Variants in ZNF385B observed in about 807,000 individuals in gnomAD.
The protein encoded by ZNF385B is zinc finger protein 385B.
Under a neutral mutation model 39.2 loss-of-function variants are expected in ZNF385B, and 23 were observed. The ratio of observed to expected loss-of-function variants is 0.59; its 90% confidence interval spans 0.42 to 0.83. The LOEUF (loss-of-function observed/expected upper bound fraction) is 0.83. ZNF385B is among the 40% of genes least tolerant of loss of function. ZNF385B has a pLI of 0.00. For missense variants in ZNF385B, 552 were observed against 598.9 expected (o/e 0.92, Z 0.82); for synonymous variants, 205 against 222.6 (o/e 0.92, Z 0.70).
chr2:179,733,890 C>G (rs1489825513), intron 3 of ZNF385B, among the ~76,000 whole-genome samples: 2 of 152,086 alleles, frequency 1.3e-5, no homozygotes, highest in Admixed American at 6.5e-5. Context: ...GAACCCATTC[C>G]CCAGTCTCCC....
intron 3 of ZNF385B, among the ~76,000 whole-genome samples, chr2:179,574,632 A>G (rs1685599533): frequency 6.6e-6 from 1 of 152,196 alleles, no homozygotes; most frequent in African/African-American, 2.4e-5. Flanking sequence ...AAGCCTAGAA[A>G]CTAACTAGAT....
intron 3 of ZNF385B, among the ~76,000 whole-genome samples, chr2:179,699,117 A>AACAT (rs140716311): frequency 6.6e-6 from 1 of 150,470 alleles, no homozygotes; most frequent in Non-Finnish European, 1.5e-5. Flanking sequence ...TTTGTGTTAA[A>AACAT]ATATATATAT....
intron 3 of ZNF385B, among the ~76,000 whole-genome samples, chr2:179,600,492 C>G (rs1051467369): frequency 1.3e-4 from 20 of 152,282 alleles, no homozygotes; most frequent in Admixed American, 1.3e-3. Flanking sequence ...AGGAGAGTTG[C>G]ATAGCTTCCT....
chr2:179,684,520 A>G (rs1481013578), intron 3 of ZNF385B, among the ~76,000 whole-genome samples: 1 of 152,246 alleles, frequency 6.6e-6, no homozygotes, highest in African/African-American at 2.4e-5. Flanking sequence ...TTCCTCTTAC[A>G]CATATTAATC....
intron 5 of ZNF385B, among the ~76,000 whole-genome samples, chr2:179,487,392 C>T (rs1559320398): frequency 6.6e-6 from 1 of 152,242 alleles, no homozygotes; most frequent in Admixed American, 6.5e-5. Flanking sequence ...TTCCCATTCT[C>T]CTGTGGTATT....
At chr2:179,477,737 A>T (rs1014886841) in intron 6 of ZNF385B, among the ~76,000 whole-genome samples, 9 of 150,980 alleles carry the variant, frequency 6.0e-5, no homozygotes, top group Non-Finnish European at 1.2e-4. Flanking sequence ...CTTTGAGAAT[A>T]TTTATCATTT....
At chr2:179,579,039 T>C (rs1401704977) in intron 3 of ZNF385B, among the ~76,000 whole-genome samples, 1 of 152,076 alleles carries the variant, frequency 6.6e-6, no homozygotes, top group African/African-American at 2.4e-5. Flanking sequence ...ACATACACAG[T>C]AAATTACCTG....
chr2:179,499,427 A>T (rs1185981131), intron 5 of ZNF385B, among the ~76,000 whole-genome samples: 1 of 152,078 alleles, frequency 6.6e-6, no homozygotes, highest in African/African-American at 2.4e-5. Context: ...TAGACAATAC[A>T]TTAGAAAGAT....
chr2:179,631,968 G>A (rs6713950), intron 3 of ZNF385B, among the ~76,000 whole-genome samples: 57,890 of 151,854 alleles, frequency 0.38, 11,174 homozygotes, highest in African/African-American at 0.45. Context: ...TAATGGTAAA[G>A]GGATCAATTC....
chr2:179,672,817 C>T (rs563469759), intron 3 of ZNF385B, among the ~76,000 whole-genome samples: 8 of 152,202 alleles, frequency 5.3e-5, no homozygotes, highest in African/African-American at 1.9e-4. Flanking sequence ...AAATTTCTGT[C>T]GTTTATAAGC....
intron 6 of ZNF385B, among the ~76,000 whole-genome samples, chr2:179,463,489 G>A (rs1271341531): frequency 1.3e-5 from 2 of 152,040 alleles, no homozygotes; most frequent in Admixed American, 6.6e-5. Context: ...TTCTCCTAAT[G>A]TTATCCCTCC....
chr2:179,546,018 T>G (rs954054212), intron 3 of ZNF385B, among the ~76,000 whole-genome samples: 2 of 152,136 alleles, frequency 1.3e-5, no homozygotes, highest in African/African-American at 4.8e-5. Flanking sequence ...TTTTATTTTT[T>G]TAATTTTAAT....
At chr2:179,581,818 C>G (rs34376589) in intron 3 of ZNF385B, among the ~76,000 whole-genome samples, 12,302 of 152,194 alleles carry the variant, frequency 0.081, 581 homozygotes, top group Middle Eastern at 0.19. Flanking sequence ...TGTGTTTCCT[C>G]CTTTTTTCCT....
rs117044201 is a variant in ZNF385B, at chr2:179,602,300, G to A, written c.299-57331C>T. ...AGGCTCTGTCGCCCTGGGTTCAAGC[G>A]ATTCTCGTGCTCAGCCTCCTGAGTA... On this transcript the variant is annotated intron_variant, in intron 3 of 9. Transcript: ENST00000410066. 1.6e-4 allele frequency among the ~76,000 whole-genome samples: 24 copies of A among 152,244 alleles called. No homozygotes were observed. The East Asian group carries it at 4.1e-3, about 26-fold the overall frequency.
chr2:179,682,280 C>G (rs187532918), intron 3 of ZNF385B, among the ~76,000 whole-genome samples: 67 of 152,304 alleles, frequency 4.4e-4, no homozygotes, highest in Middle Eastern at 3.4e-3. Context: ...AATTTATGCT[C>G]TGCTTTATTT....
At chr2:179,700,712 C>A (rs1699126791) in intron 3 of ZNF385B, among the ~76,000 whole-genome samples, 1 of 152,122 alleles carries the variant, frequency 6.6e-6, no homozygotes, top group African/African-American at 2.4e-5. Context: ...GCCATTTTTA[C>A]AATAAAGCTC....
At chr2:179,781,606 T>C (rs1022074615) in intron 1 of ZNF385B, among the ~76,000 whole-genome samples, 1 of 152,076 alleles carries the variant, frequency 6.6e-6, no homozygotes, top group African/African-American at 2.4e-5. Flanking sequence ...AAGTATTAAC[T>C]ATAAGAGAAA....
intron 3 of ZNF385B, among the ~76,000 whole-genome samples, chr2:179,554,585 A>C (rs571265222): frequency 6.7e-6 from 1 of 149,390 alleles, no homozygotes; most frequent in Non-Finnish European, 1.5e-5. Context: ...AGGAAACAAA[A>C]GATGTTAATC....
intron 3 of ZNF385B, among the ~76,000 whole-genome samples, chr2:179,735,701 C>T (rs1701700943): frequency 6.8e-6 from 1 of 147,124 alleles, no homozygotes; most frequent in Admixed American, 6.7e-5. Context: ...ACTATGCAGC[C>T]ATAAAAAATG....
Sources: gnomAD v4.1 joint callset for allele counts (sites outside exome capture counted in the v4.1 genomes callset) on GRCh38, gnomAD v4.1.1 for gene constraint, MANE v1.5 for transcripts, NCBI Gene and HGNC (gene_info 2026-07-23, HGNC 2026-07-21) for gene names.